AMOT: variants seen among roughly 807,000 people sequenced by gnomAD.
The protein encoded by AMOT is angiomotin.
In AMOT, 11 loss-of-function variants were observed where a neutral mutation model predicts 67.0. The observed-to-expected ratio is 0.16, with a 90% CI of 0.10 to 0.27. The LOEUF is 0.27. Ranked by LOEUF, AMOT falls within the 10% of genes least tolerant of loss-of-function variation. The pLI is 1.00. For synonymous variants in AMOT, 326 were observed against 321.4 expected, an observed-to-expected ratio of 1.01 and a Z score of -0.15; for missense variants, 753 against 852.0, an observed-to-expected ratio of 0.88 and a Z score of 1.45.
chrX:112,826,983 A>G (rs753722510), intron 2 of AMOT, among the ~76,000 whole-genome samples: 3 of 111,638 alleles, frequency 2.7e-5, no homozygotes, highest in Admixed American at 9.4e-5. Flanking sequence ...TCAGCCTCCC[A>G]TGTAGCCAGG....
At chrX:112,796,968 G>A (rs923702709) in intron 8 of AMOT, among the ~76,000 whole-genome samples, 1 of 111,996 alleles carries the variant, frequency 8.9e-6, no homozygotes, top group Non-Finnish European at 1.9e-5. Flanking sequence ...TGTCAGGAAC[G>A]CTGAGGTTCA....
intron 10 of AMOT, among the ~76,000 whole-genome samples, chrX:112,784,105 C>A (rs1434757376): frequency 1.8e-5 from 2 of 112,111 alleles, no homozygotes; most frequent in Non-Finnish European, 3.8e-5. Flanking sequence ...GGAAAGAATA[C>A]AATGGCTTTC....
chrX:112,814,083 G>A (rs2147812731), intron 5 of AMOT, among the ~76,000 whole-genome samples: 1 of 110,885 alleles, frequency 9.0e-6, no homozygotes, highest in South Asian at 3.9e-4. Context: ...GACCAGCCTG[G>A]CCAACATGGA....
rs1407898708 is a variant in AMOT at position 112,822,921 on chromosome X, T to C, written c.206A>G (p.Gln69Arg). Residue 69 changes from glutamine (Q) to arginine (R), a missense_variant, in exon 4 of 14, where the codon CAA becomes CGA. Physicochemically the swap from Gln to Arg is conservative, Grantham distance 43. Around this residue, in one of 5 missense-constraint regions of AMOT, gnomAD observed 118 missense variants for 125.9 expected, o/e 0.94. Transcript: ENST00000371959. Reference protein sequence around the residue: ...SDVLSPQDHHQQLVAHAARQE... With the variant: ...SDVLSPQDHHRQLVAHAARQE... ...TCGAGCAGCATGAGCCACAAGCTGT[T>C]GGTGGTGGTCTTGGGGACTCAACAC... 26 of 1,165,856 alleles carry C rather than the reference T, an allele frequency of 2.2e-5. No individual in the cohort carries two copies. The highest frequency in any genetic ancestry group is 3.0e-5 in the Non-Finnish European group (26 of 872,760).
Position 112,834,609 on chromosome X carries a change from G to A in AMOT, c.-288-2239C>T, listed in dbSNP as rs181947794. ...ATGGAAATGAGCCACGAATTGTACAGCAAGCATAAATATTCCATCATTAAT... is the reference window on the plus strand; with the variant it reads ...ATGGAAATGAGCCACGAATTGTACAACAAGCATAAATATTCCATCATTAAT... On this transcript the variant is annotated intron_variant, in intron 1 of 13. Coordinates refer to ENST00000371959, the MANE Select transcript of AMOT (RefSeq NM_001113490.2). 2.7e-5 allele frequency among the ~76,000 whole-genome samples: 3 copies of A among 112,345 alleles called. No homozygotes were observed. The East Asian group carries it at 8.4e-4, about 32-fold the overall frequency.
intron 7 of AMOT, among the ~76,000 whole-genome samples, chrX:112,806,139 G>C (rs193076082): frequency 9.2e-6 from 1 of 108,469 alleles, no homozygotes; most frequent in Admixed American, 9.9e-5. Context: ...GGTGGCACAC[G>C]ACTGTAATCC....
intron 8 of AMOT, among the ~76,000 whole-genome samples, chrX:112,796,011 C>T (rs1024113487): frequency 7.6e-5 from 8 of 105,271 alleles, no homozygotes; most frequent in Non-Finnish European, 1.5e-4. Flanking sequence ...GAATGCCCTG[C>T]CCCACCAGGA....
chrX:112,814,070 C>T (rs910006878), intron 5 of AMOT, among the ~76,000 whole-genome samples: 25 of 110,752 alleles, frequency 2.3e-4, no homozygotes, highest in African/African-American at 7.2e-4. Flanking sequence ...GTCGGGAGTT[C>T]GAGACCAGCC....
intron 1 of AMOT, among the ~76,000 whole-genome samples, chrX:112,840,138 T>C (rs987541662): frequency 2.7e-5 from 3 of 110,998 alleles, no homozygotes; most frequent in Non-Finnish European, 5.7e-5. Context: ...CCCTCGGGTC[T>C]TTAGCTCCTC....
Position 112,822,521 on chromosome X carries a change from T to C in AMOT, c.606A>G (p.Pro202=). The stretch of plus-strand genomic sequence containing the variant: ...GATTCTTGTAGAGGTCATTGGGTTG[T>C]GGTGGGGAGAGGGGAGCACTGGTAA... ...PPVTSAPLSP[P]QPNDLYKNPT... The change falls in exon 4 of 14, where the codon CCA becomes CCG. Residue 202 remains proline (P), a synonymous_variant. Coordinates refer to ENST00000371959, the MANE Select transcript of AMOT (RefSeq NM_001113490.2). 8.6e-7 allele frequency: 1 copy of C among 1,167,810 alleles called. No individual in the cohort carries two copies. The highest frequency in any genetic ancestry group is 1.1e-6 in the Non-Finnish European group (1 of 873,051).
chrX:112,811,598 A>T (rs1341099195), intron 5 of AMOT, among the ~76,000 whole-genome samples: 1 of 111,653 alleles, frequency 9.0e-6, no homozygotes, highest in Non-Finnish European at 1.9e-5. Context: ...TCATGGTGTC[A>T]TGGTCTTTCC....
rs755130510 is a variant in AMOT at position 112,779,341 on chromosome X, G to A, written c.2813C>T (p.Ala938Val). The A allele has an allele frequency of 1.2e-6, 1 of 834,975 alleles. No homozygotes were observed. The highest frequency in any genetic ancestry group is 2.2e-5 in the South Asian group (1 of 46,403). The allele number at this position is 834,975 out of a possible 1,213,427, so 68.8% of individuals were successfully genotyped here. A position where few individuals can be genotyped will look rare whatever the true frequency, so the allele number is the denominator to read the frequency against. ...SPATAAATAA[A>V]VSPAAAGQIP... is the part of the protein sequence containing the mutation. ...CTGACCAGCAGCAGCTGGAGAAACAGCAGCAGCAGTAGCAGCGGCAGTGGC... is the reference window on the plus strand; with the variant it reads ...CTGACCAGCAGCAGCTGGAGAAACAACAGCAGCAGTAGCAGCGGCAGTGGC... The change falls in exon 13 of 14, where the codon GCT (alanine) becomes GTT (valine). Residue 938 changes from alanine to valine, a missense_variant. This residue lies in a region of AMOT where 269 missense variants were observed against 300.9 expected (regional missense o/e 0.89). Transcript: ENST00000371959.
rs768639162 is a variant in AMOT, at chrX:112,775,451, C to T, written c.*3116G>A. On this transcript the variant is annotated 3_prime_UTR_variant, in exon 14 of 14. Coordinates refer to ENST00000371959, the MANE Select transcript of AMOT (RefSeq NM_001113490.2). ...TAGGCTTGTCATAAAAAGTAGTTTG[C>T]ACAATCAATCAGTTTGTTCATTTTC... 3.1e-4 allele frequency: 35 copies of T among 112,180 alleles called. No individual in the cohort carries two copies. The highest frequency in any genetic ancestry group is 1.1e-3 in the African/African-American group (34 of 30,816). 9.2% of individuals were successfully genotyped at this position (112,180 alleles called of 1,213,427 possible). A position where few individuals can be genotyped will look rare whatever the true frequency, so the allele number is the denominator to read the frequency against.
chrX:112,809,856 C>G, intron 7 of AMOT, 38 bp downstream of exon 7: 2 of 1,139,016 alleles, frequency 1.8e-6, no homozygotes, highest in Non-Finnish European at 2.4e-6. Context: ...TGCTCCCATC[C>G]ACACGTTAAT....
intron 8 of AMOT, 31 bp downstream of exon 8, chrX:112,804,916 C>CCCCCCCCCAAAT: frequency 8.4e-7 from 1 of 1,190,685 alleles, no homozygotes; most frequent in Non-Finnish European, 1.1e-6. Context: ...CTCCCACCCC[C>CCCCCCCCCAAAT]AGGCTCATAT....
intron 11 of AMOT, 30 bp from the exon 12 acceptor site, chrX:112,781,148 G>T: frequency 8.5e-7 from 1 of 1,180,480 alleles, no homozygotes; most frequent in Non-Finnish European, 1.2e-6. Flanking sequence ...AACATATAAA[G>T]ACCTTGTTGT....
chrX:112,828,785 A>G (rs1476704445), intron 2 of AMOT, among the ~76,000 whole-genome samples: 1 of 112,122 alleles, frequency 8.9e-6, no homozygotes, highest in East Asian at 2.8e-4. Flanking sequence ...ATTATCTAGC[A>G]TTATTTGCTT....
chrX:112,813,316 C>G (rs968393299), intron 5 of AMOT, among the ~76,000 whole-genome samples: 2 of 111,785 alleles, frequency 1.8e-5, no homozygotes, highest in African/African-American at 6.5e-5. Flanking sequence ...CTGGTTTGGG[C>G]TGGGTGATGG....
At position 112,807,673 on chromosome X, in the gene AMOT, A is replaced by G. The variant is rs1281105265; in HGVS notation, c.1630+2221T>C. On this transcript the variant is annotated intron_variant, in intron 7 of 13. Transcript: ENST00000371959. ...CAATACCATCTTATTTAACCTCACAATATTTGTAAGGATCAAATGAGATAG... is the reference window on the plus strand; with the variant it reads ...CAATACCATCTTATTTAACCTCACAGTATTTGTAAGGATCAAATGAGATAG... Among the ~76,000 whole-genome samples the G allele has an allele frequency of 6.2e-5, 7 of 112,136 alleles. No individual in the cohort carries two copies. In the East Asian group the frequency reaches 2.0e-3, roughly 31 times the overall value.
Sources: gnomAD v4.1 joint callset for allele counts (sites outside exome capture counted in the v4.1 genomes callset) on GRCh38, gnomAD v4.1.1 for gene constraint, gnomAD v4.1.1 regional missense constraint, MANE v1.5 for transcripts, NCBI Gene and HGNC (gene_info 2026-07-23, HGNC 2026-07-21) for gene names.